The following ANKRD26 variants were observed in gnomAD, a reference collection of about 807,000 sequenced individuals.
ANKRD26 encodes the protein ankyrin repeat domain-containing protein 26.
In ANKRD26, 141 loss-of-function variants were observed where a neutral mutation model predicts 208.7. The ratio of observed to expected loss-of-function variants is 0.68; its 90% CI spans 0.59 to 0.78. The LOEUF (loss-of-function observed/expected upper bound fraction) is 0.78. ANKRD26 is among the 30% of genes least tolerant of loss of function. The probability of loss-of-function intolerance (pLI) is 0.00; values close to 1 mark genes in which losing one functional copy is unlikely to be tolerated. For synonymous variants in ANKRD26, 636 were observed against 660.4 expected (o/e 0.96, Z 0.57); for missense variants, 1,889 against 1,938.7 (o/e 0.97, Z 0.48).
downstream of ANKRD26, among the ~76,000 whole-genome samples, chr10:26,990,703 T>C (rs1461674469): frequency 1.3e-5 from 2 of 152,184 alleles, no homozygotes; most frequent in African/African-American, 4.8e-5. Flanking sequence ...GATGCTCTTC[T>C]TGTCTCCAGA....
chr10:27,040,859 G>C (rs2054212400), intron 20 of ANKRD26, among the ~76,000 whole-genome samples: 3 of 151,852 alleles, frequency 2.0e-5, no homozygotes, highest in African/African-American at 4.8e-5. Context: ...GTGAAACCCT[G>C]TCTCAACTAA....
chr10:27,078,632 GTTTAAT>G (rs1386397911), intron 7 of ANKRD26, among the ~76,000 whole-genome samples: 3 of 152,170 alleles, frequency 2.0e-5, no homozygotes, highest in Middle Eastern at 3.4e-3. Flanking sequence ...GTAGTAAACA[GTTTAAT>G]TTTAAGTCAT....
chr10:27,083,511 G>T (rs939035706), intron 5 of ANKRD26, among the ~76,000 whole-genome samples: 1 of 151,798 alleles, frequency 6.6e-6, no homozygotes, highest in African/African-American at 2.4e-5. Flanking sequence ...ATCACTTCAG[G>T]CCAGGAGTTT....
downstream of ANKRD26, among the ~76,000 whole-genome samples, chr10:26,999,156 T>C (rs976003432): frequency 7.2e-5 from 11 of 152,214 alleles, no homozygotes; most frequent in African/African-American, 2.7e-4. Flanking sequence ...GTGCATGCCT[T>C]TTCTGTTCTA....
At position 27,046,340 on chromosome 10, in the gene ANKRD26, T is replaced by C. The variant is rs890085392; in HGVS notation, c.1985+13A>G. 1 of 1,612,994 alleles carries C rather than the reference T, an allele frequency of 6.2e-7. No homozygotes were observed. Among genetic ancestry groups the C allele is most frequent in the African/African-American group, 1.3e-5 (1 of 74,896 alleles). On this transcript the variant is annotated intron_variant, in intron 18 of 33. Coordinates refer to ENST00000376087, the MANE Select transcript of ANKRD26 (RefSeq NM_014915.3). ...CTTCCTCCATAGAAAAATAAAGAAA[T>C]CATAGATTTTACCTTCCTTCATCCT...
chr10:27,000,404 A>G (rs1177066363), downstream of ANKRD26, among the ~76,000 whole-genome samples: 2 of 152,224 alleles, frequency 1.3e-5, no homozygotes, highest in African/African-American at 4.8e-5. Context: ...CCTTTTATTC[A>G]ACATCATTCT....
downstream of ANKRD26, among the ~76,000 whole-genome samples, chr10:26,990,895 AAACT>A (rs2134665859): frequency 6.6e-6 from 1 of 152,340 alleles, no homozygotes; most frequent in South Asian, 2.1e-4. Flanking sequence ...AATGAAGAAT[AAACT>A]AACGTTTAGT....
chr10:27,030,180 G>C (rs1448035712), intron 25 of ANKRD26, among the ~76,000 whole-genome samples: 3 of 152,130 alleles, frequency 2.0e-5, no homozygotes, highest in African/African-American at 7.2e-5. Flanking sequence ...GTCTACTATA[G>C]CTGCACTGAA....
rs746976286 is a variant in ANKRD26 at position 27,037,855 on chromosome 10, T to G, written c.2559+16A>C. The G allele has an allele frequency of 1.3e-6, 2 of 1,573,516 alleles. No homozygotes were observed. Among genetic ancestry groups the G allele is most frequent in the South Asian group, 2.3e-5 (2 of 87,742 alleles). On this transcript the variant is annotated intron_variant, in intron 22 of 33. Coordinates refer to ENST00000376087, the MANE Select transcript of ANKRD26 (RefSeq NM_014915.3). ...TAAAGTTAAAAATATAAAATTTTTA[T>G]CAAAAATTAATTTACCTGATTCAAA...
At chr10:27,047,994 G>A (rs569495911) in intron 17 of ANKRD26, among the ~76,000 whole-genome samples, 35 of 151,906 alleles carry the variant, frequency 2.3e-4, no homozygotes, top group Admixed American at 7.9e-4. Flanking sequence ...CACTTGCCTC[G>A]GCCTCCCAAA....
chr10:26,964,085 A>G, the ANKRD26 span, among the ~76,000 whole-genome samples: 1 of 150,768 alleles, frequency 6.6e-6, no homozygotes, highest in East Asian at 2.0e-4. Flanking sequence ...TAATTTTTGT[A>G]TTTTAGTACA....
At position 27,053,827 on chromosome 10, in the gene ANKRD26, C is replaced by T. The variant is rs79054921; in HGVS notation, c.1565-437G>A. On this transcript the variant is annotated intron_variant, in intron 15 of 33. Coordinates refer to ENST00000376087, the MANE Select transcript of ANKRD26 (RefSeq NM_014915.3). ...AGAAACAAAACAAAATTTTATGATA[C>T]AGTAGGAATATATAAAGTAACATTG... 1.6e-3 allele frequency among the ~76,000 whole-genome samples: 246 copies of T among 152,226 alleles called. 1 individual carries two copies. Among genetic ancestry groups the T allele is most frequent in the African/African-American group, 5.6e-3 (231 of 41,542 alleles).
chr10:27,052,627 A>G (rs1165229901), intron 16 of ANKRD26, among the ~76,000 whole-genome samples: 2 of 152,122 alleles, frequency 1.3e-5, no homozygotes, highest in African/African-American at 4.8e-5. Flanking sequence ...ATAAGACTTA[A>G]GTCTAATTCT....
Position 26,998,732 on chromosome 10 carries a change from A to G in ANKRD26, c.563-3585T>C, listed in dbSNP as rs80237911. Among the ~76,000 whole-genome samples the G allele has an allele frequency of 5.6e-3, 854 of 152,324 alleles. 13 individuals carry two copies. Among genetic ancestry groups the G allele is most frequent in the East Asian group, 0.041 (215 of 5,186 alleles). ...CAGGGCAATCATGAGAGATGTCCCTATAGGGTCCCCCTTTTCCCATCTTCC... is the reference window on the plus strand; with the variant it reads ...CAGGGCAATCATGAGAGATGTCCCTGTAGGGTCCCCCTTTTCCCATCTTCC... On this transcript the variant is annotated intron_variant, in intron 4 of 5. Coordinates refer to the ANKRD26 transcript ENST00000445828.
At chr10:26,995,657 G>A (rs778415814) in intron 4 of ANKRD26, among the ~76,000 whole-genome samples, 8 of 152,134 alleles carry the variant, frequency 5.3e-5, no homozygotes, top group Non-Finnish European at 1.0e-4. Flanking sequence ...GTTAAACTAC[G>A]CTCACTCTAT....
At chr10:27,072,806 C>G (rs2055553800) in intron 9 of ANKRD26, among the ~76,000 whole-genome samples, 1 of 152,216 alleles carries the variant, frequency 6.6e-6, no homozygotes, top group Admixed American at 6.5e-5. Context: ...ATGTGCCCAG[C>G]ACATTAATAC....
At chr10:27,032,934 G>T (rs913475726) in intron 25 of ANKRD26, among the ~76,000 whole-genome samples, 2 of 151,666 alleles carry the variant, frequency 1.3e-5, no homozygotes, top group African/African-American at 4.8e-5. Context: ...AATTAGCCAG[G>T]TGTGGCGGTA....
At chr10:27,056,920 G>T (rs181442988) in intron 15 of ANKRD26, among the ~76,000 whole-genome samples, 283 of 152,308 alleles carry the variant, frequency 1.9e-3, no homozygotes, top group African/African-American at 6.4e-3. Context: ...AGGTCATGGA[G>T]AGTATTATTC....
At chr10:26,983,005 C>G (rs1396206483) in intron 3 of ANKRD26, among the ~76,000 whole-genome samples, 1 of 152,180 alleles carries the variant, frequency 6.6e-6, no homozygotes. Flanking sequence ...TTTGATTCCT[C>G]TAAGATATAA....
Sources: allele counts gnomAD v4.1 joint callset (sites outside exome capture counted in the v4.1 genomes callset), GRCh38; gene constraint gnomAD v4.1.1; transcripts MANE v1.5; gene names NCBI Gene and HGNC (gene_info 2026-07-23, HGNC 2026-07-21).